PALLD: variants seen among roughly 807,000 people sequenced by gnomAD.
PALLD encodes the protein palladin, cytoskeletal associated protein.
In PALLD, 61 loss-of-function variants were observed where a neutral mutation model predicts 123.5. The observed-to-expected ratio is 0.49, with a 90% confidence interval of 0.40 to 0.61. The LOEUF is 0.61. PALLD is among the 20% of genes least tolerant of loss of function. The pLI, the probability that PALLD is intolerant of heterozygous loss-of-function variation, is 0.00. For missense variants in PALLD, 1,273 were observed against 1,377.0 expected, an observed-to-expected ratio of 0.92 and a Z score of 1.20; for synonymous variants, 465 against 496.4, an observed-to-expected ratio of 0.94 and a Z score of 0.84.
intron 2 of PALLD, among the ~76,000 whole-genome samples, chr4:168,580,116 C>T (rs749814094): frequency 2.6e-5 from 4 of 151,904 alleles, no homozygotes; most frequent in South Asian, 2.1e-4. Context: ...TGTGTCAGAT[C>T]GTGCCATGTT....
In PALLD at chr4:168,928,173, AG is replaced by A. The variant is rs1762791542; in HGVS notation, c.*1994del. On this transcript the variant is annotated 3_prime_UTR_variant, in exon 22 of 22. Transcript: ENST00000505667. ...ATATGCATTGCTAATATGGAATTTA[AG>A]ATACCATACACAGTCTCTCATGGAC... is the stretch of plus-strand genomic sequence containing the variant. 2 of 188,788 alleles carry A rather than the reference AG, an allele frequency of 1.1e-5. No homozygotes were observed. Among genetic ancestry groups the A allele is most frequent in the South Asian group, 3.9e-4 (2 of 5,124 alleles). 11.7% of individuals were successfully genotyped at this position (188,788 alleles called of 1,614,324 possible).
chr4:168,516,414 A>G lies in PALLD; in HGVS notation c.908+4002A>G, dbSNP rs1762993359. 2.0e-5 allele frequency among the ~76,000 whole-genome samples: 3 copies of G among 152,326 alleles called. No homozygotes were observed. The South Asian group carries it at 6.2e-4, about 32-fold the overall frequency. On this transcript the variant is annotated intron_variant, in intron 2 of 21. Transcript: ENST00000505667. The stretch of plus-strand genomic sequence containing the variant: ...AAAATTTGTGAAGAATTTTAGTTCA[A>G]AATTACCTCCGGTATTATAAAAAGG...
chr4:168,789,715 A>T (rs1737238722), intron 10 of PALLD, among the ~76,000 whole-genome samples: 1 of 152,078 alleles, frequency 6.6e-6, no homozygotes, highest in East Asian at 1.9e-4. Flanking sequence ...AAAAAAAAAA[A>T]AAAAAGTAGG....
intron 10 of PALLD, among the ~76,000 whole-genome samples, chr4:168,804,341 G>A (rs992365452): frequency 6.6e-6 from 1 of 152,238 alleles, no homozygotes; most frequent in Non-Finnish European, 1.5e-5. Context: ...TCACCTACGT[G>A]GTGAGAGCCA....
chr4:168,761,656 T>TTG (rs1732916807), intron 10 of PALLD, among the ~76,000 whole-genome samples: 1 of 40,892 alleles, frequency 2.4e-5, no homozygotes, highest in Non-Finnish European at 5.6e-5. Context: ...TTTTTTTTTT[T>TTG]TTTTTTTTTT....
chr4:168,626,079 T>C (rs1335656588), intron 2 of PALLD, among the ~76,000 whole-genome samples: 20 of 126,516 alleles, frequency 1.6e-4, no homozygotes, highest in South Asian at 2.7e-4. Context: ...CTGGCTAACA[T>C]GGTAAAACCT....
At chr4:168,773,793 C>G (rs577901977) in intron 10 of PALLD, among the ~76,000 whole-genome samples, 124 of 152,268 alleles carry the variant, frequency 8.1e-4, no homozygotes, top group Admixed American at 1.6e-3. Context: ...CCCACCTCGC[C>G]GCCTGTTCTC....
At chr4:168,518,155 A>T (rs1763174577) in intron 2 of PALLD, among the ~76,000 whole-genome samples, 1 of 151,820 alleles carries the variant, frequency 6.6e-6, no homozygotes, top group Admixed American at 6.6e-5. Context: ...TTTTTCTCAC[A>T]CCCCAAGTCC....
At chr4:168,741,345 T>G (rs57186822) in intron 10 of PALLD, among the ~76,000 whole-genome samples, 6,682 of 89,956 alleles carry the variant, frequency 0.074, 495 homozygotes, top group African/African-American at 0.18. Context: ...TATTTGTTTT[T>G]TTTGTGTGTG....
Position 168,623,025 on chromosome 4 carries a change from G to T in PALLD, c.909-45165G>T, listed in dbSNP as rs143003212. 3.0e-3 allele frequency among the ~76,000 whole-genome samples: 461 copies of T among 152,292 alleles called. 2 individuals carry two copies. The highest frequency in any genetic ancestry group is 0.01 in the African/African-American group (431 of 41,554). ...GCCCACTATCAAGGTACTTATTATT[G>T]AATTGACACTCTGTCCTTTGAGCCT... On this transcript the variant is annotated intron_variant, in intron 2 of 21. Transcript: ENST00000505667.
At position 168,499,669 on chromosome 4, in the gene PALLD, T is replaced by TC. The variant is rs546289910; in HGVS notation, c.-83+2481dup. On this transcript the variant is annotated intron_variant, in intron 1 of 21. Coordinates refer to ENST00000505667, the MANE Select transcript of PALLD (RefSeq NM_001166108.2). The stretch of plus-strand genomic sequence containing the variant: ...CTTTCAACTCCTACCCCTGCCTAAA[T>TC]CCCCCCACAGAGGTCAGTGTTGATT... Among the ~76,000 whole-genome samples, 677 of 152,166 alleles carry TC rather than the reference T, an allele frequency of 4.4e-3. 6 individuals are homozygous for TC. Among genetic ancestry groups the TC allele is most frequent in the African/African-American group, 0.016 (650 of 41,518 alleles).
At chr4:168,880,528 G>T (rs1752469690) in intron 10 of PALLD, among the ~76,000 whole-genome samples, 1 of 152,192 alleles carries the variant, frequency 6.6e-6, no homozygotes, top group Non-Finnish European at 1.5e-5. Flanking sequence ...TTTGATAAAT[G>T]TGTCTTTTGA....
chr4:168,594,342 C>T (rs770063639), intron 2 of PALLD, among the ~76,000 whole-genome samples: 5 of 151,982 alleles, frequency 3.3e-5, no homozygotes, highest in Non-Finnish European at 7.4e-5. Context: ...TAAGCTTTAC[C>T]TTAGTCGCAA....
intron 10 of PALLD, among the ~76,000 whole-genome samples, chr4:168,883,950 A>AG (rs1031904223): frequency 2.7e-5 from 4 of 149,312 alleles, no homozygotes; most frequent in African/African-American, 7.4e-5. Context: ...CAAACCATCA[A>AG]AAAAAAAAAG....
intron 8 of PALLD, among the ~76,000 whole-genome samples, chr4:168,695,991 C>T (rs1407934267): frequency 6.6e-6 from 1 of 152,024 alleles, no homozygotes; most frequent in African/African-American, 2.4e-5. Flanking sequence ...GAAGAATTAC[C>T]TGGGGTCACA....
chr4:168,805,106 C>T (rs1461153305), intron 10 of PALLD, among the ~76,000 whole-genome samples: 2 of 151,394 alleles, frequency 1.3e-5, no homozygotes, highest in African/African-American at 2.4e-5. Flanking sequence ...TGCAGTGAGC[C>T]GAGATTGCGC....
intron 10 of PALLD, among the ~76,000 whole-genome samples, chr4:168,794,983 C>A (rs1053601036): frequency 6.6e-6 from 1 of 152,178 alleles, no homozygotes; most frequent in Non-Finnish European, 1.5e-5. Context: ...CCAGCAGATT[C>A]AGTGTTTGGT....
chr4:168,761,874 C>T (rs182088140), intron 10 of PALLD, among the ~76,000 whole-genome samples: 1 of 151,882 alleles, frequency 6.6e-6, no homozygotes, highest in East Asian at 1.9e-4. Flanking sequence ...TGGACCTGCA[C>T]AGGATTAGAA....
Position 168,689,432 on chromosome 4 carries a change from C to CTTTTTTTTTTTTTTTTT in PALLD, c.1336-1154_1336-1138dup, listed in dbSNP as rs70961551. ...TACACCTTACATTCGATCCAATATT[C>CTTTTTTTTTTTTTTTTT]TTTTTTTTTTTTTTTTTTTTTTTTT... On this transcript the variant is annotated intron_variant, in intron 6 of 21. Coordinates refer to ENST00000505667, the MANE Select transcript of PALLD (RefSeq NM_001166108.2). 4.0e-5 allele frequency among the ~76,000 whole-genome samples: 2 copies of CTTTTTTTTTTTTTTTTT among 49,858 alleles called. 1 individual carries two copies. Among genetic ancestry groups the CTTTTTTTTTTTTTTTTT allele is most frequent in the Non-Finnish European group, 7.6e-5 (2 of 26,376 alleles). 32.7% of individuals were successfully genotyped at this position (49,858 alleles called of 152,430 possible). A position where few individuals can be genotyped will look rare whatever the true frequency, so the allele number is the denominator to read the frequency against.
Sources: gnomAD v4.1 joint callset for allele counts (sites outside exome capture counted in the v4.1 genomes callset) on GRCh38, gnomAD v4.1.1 for gene constraint, MANE v1.5 for transcripts, NCBI Gene and HGNC (gene_info 2026-07-23, HGNC 2026-07-21) for gene names.